Variants in MARCHF1 observed in about 807,000 individuals in gnomAD.
MARCHF1 encodes E3 ubiquitin-protein ligase MARCHF1.
A neutral mutation model predicts 54.2 loss-of-function variants in MARCHF1; 40 were observed. The observed-to-expected ratio is 0.74, with a 90% CI of 0.57 to 0.96. The LOEUF is 0.96. Ranked by LOEUF, MARCHF1 falls within the 40% of genes least tolerant of loss-of-function variation. MARCHF1 has a pLI of 0.00. For synonymous variants in MARCHF1, 236 were observed against 236.3 expected (o/e 1.00, Z 0.01); for missense variants, 586 against 656.5 (o/e 0.89, Z 1.17).
intron 1 of MARCHF1, among the ~76,000 whole-genome samples, chr4:164,125,428 T>A (rs1756159111): frequency 6.6e-6 from 1 of 152,174 alleles, no homozygotes; most frequent in Admixed American, 6.6e-5. Flanking sequence ...AGACACAATA[T>A]ACTTCATTGA....
intron 3 of MARCHF1, among the ~76,000 whole-genome samples, chr4:163,987,565 G>C (rs1752893528): frequency 6.6e-6 from 1 of 151,680 alleles, no homozygotes. Context: ...AGCTATTCTT[G>C]AGGGAAAAAA....
intron 1 of MARCHF1, among the ~76,000 whole-genome samples, chr4:164,295,684 A>T (rs564332398): frequency 6.6e-6 from 1 of 152,302 alleles, no homozygotes; most frequent in South Asian, 2.1e-4. Context: ...TTGCCTCTCA[A>T]TTCTGCCTAT....
intron 3 of MARCHF1, among the ~76,000 whole-genome samples, chr4:163,860,462 G>A (rs1463333414): frequency 6.6e-6 from 1 of 152,070 alleles, no homozygotes; most frequent in Non-Finnish European, 1.5e-5. Context: ...ATTCTCCAAG[G>A]GAAAATATCT....
chr4:163,587,415 C>T lies in MARCHF1; in HGVS notation c.1011-1486G>A, dbSNP rs62334069. ...GCATAAAGAAAATGTGGCACATTTA[C>T]GCCATGGAATACTATGCAGCCATAA... On this transcript the variant is annotated intron_variant, in intron 7 of 9. Coordinates refer to ENST00000514618, the MANE Select transcript of MARCHF1 (RefSeq NM_001394959.1). Among the ~76,000 whole-genome samples, 1,008 of 152,278 alleles carry T rather than the reference C, an allele frequency of 6.6e-3. 6 individuals carry two copies. The highest frequency in any genetic ancestry group is 0.031 in the South Asian group (150 of 4,824).
intron 5 of MARCHF1, among the ~76,000 whole-genome samples, chr4:163,620,837 T>C (rs1262919393): frequency 1.3e-5 from 2 of 152,178 alleles, no homozygotes; most frequent in African/African-American, 2.4e-5. Flanking sequence ...GTTGGGATCA[T>C]TGGAAACCTT....
At chr4:163,746,986 G>C (rs918857273) in intron 4 of MARCHF1, among the ~76,000 whole-genome samples, 1 of 152,146 alleles carries the variant, frequency 6.6e-6, no homozygotes, top group Non-Finnish European at 1.5e-5. Flanking sequence ...TTCAAAGCTG[G>C]GTGAACTTGA....
chr4:164,379,863 C>G (rs557653060), intron 1 of MARCHF1, among the ~76,000 whole-genome samples: 5 of 151,806 alleles, frequency 3.3e-5, no homozygotes, highest in South Asian at 2.1e-4. Flanking sequence ...GGCTGAGGGA[C>G]GAGAACCACT....
At chr4:164,104,111 T>A (rs1389364447) in intron 2 of MARCHF1, among the ~76,000 whole-genome samples, 2 of 149,992 alleles carry the variant, frequency 1.3e-5, no homozygotes, top group Admixed American at 1.3e-4. Context: ...GCTGAAATTG[T>A]GGCAATAATC....
rs113252348 is a variant in MARCHF1 at position 164,317,749 on chromosome 4, T to C, written c.-323+66121A>G. On this transcript the variant is annotated intron_variant, in intron 1 of 9. Transcript: ENST00000514618. Reference sequence around the variant, plus strand: ...GAATAGAATAGAGTAGAATAGCCTGTTGCGAGTGGGCAAGTTTTTTGTTGT... The same window carrying C: ...GAATAGAATAGAGTAGAATAGCCTGCTGCGAGTGGGCAAGTTTTTTGTTGT... 5.4e-3 allele frequency among the ~76,000 whole-genome samples: 821 copies of C among 152,292 alleles called. 4 individuals carry two copies. The highest frequency in any genetic ancestry group is 8.5e-3 in the Non-Finnish European group (581 of 68,008).
In MARCHF1 at chr4:163,526,931, C is replaced by CCAT. The variant is rs1395428510; in HGVS notation, c.*1814_*1816dup. On this transcript the variant is annotated 3_prime_UTR_variant, in exon 10 of 10. Transcript: ENST00000514618. ...GTGTCAGCCACTACTAATATTTATA[C>CCAT]CATCTTTCTCCTCATTTAAAGGTTT... 2.6e-5 allele frequency: 4 copies of CCAT among 151,760 alleles called. No homozygotes were observed. Among genetic ancestry groups the CCAT allele is most frequent in the Non-Finnish European group, 5.9e-5 (4 of 67,858 alleles). 9.4% of individuals were successfully genotyped at this position (151,760 alleles called of 1,614,324 possible). A position where few individuals can be genotyped will look rare whatever the true frequency, so the allele number is the denominator to read the frequency against.
At chr4:163,634,403 T>G (rs1277223908) in intron 5 of MARCHF1, among the ~76,000 whole-genome samples, 2 of 147,162 alleles carry the variant, frequency 1.4e-5, no homozygotes, top group African/African-American at 5.1e-5. Context: ...TGGAGGAAGA[T>G]CTACCAAGCA....
At chr4:163,585,990 T>C in intron 7 of MARCHF1, 61 bp from the exon 8 acceptor site, 1 of 1,458,796 alleles carries the variant, frequency 6.9e-7, no homozygotes, top group Non-Finnish European at 9.2e-7. Context: ...GCCTGTGTTA[T>C]TTCTGCCCTT....
At chr4:163,827,404 AAT>A (rs1748884415) in intron 4 of MARCHF1, among the ~76,000 whole-genome samples, 2 of 152,322 alleles carry the variant, frequency 1.3e-5, no homozygotes, top group East Asian at 3.9e-4. Flanking sequence ...ACATTATGAA[AAT>A]AAAATCTTAG....
At chr4:163,863,951 A>G (rs1049305482) in intron 3 of MARCHF1, among the ~76,000 whole-genome samples, 1 of 152,082 alleles carries the variant, frequency 6.6e-6, no homozygotes, top group African/African-American at 2.4e-5. Context: ...CAATTTGAGC[A>G]ACAAAATAAA....
At chr4:163,954,857 C>A (rs1752200811) in intron 3 of MARCHF1, among the ~76,000 whole-genome samples, 1 of 152,120 alleles carries the variant, frequency 6.6e-6, no homozygotes. Context: ...GCCCCTTGCA[C>A]CTTGTATAAA....
chr4:163,755,367 C>T (rs1027702490), intron 4 of MARCHF1, among the ~76,000 whole-genome samples: 2 of 152,132 alleles, frequency 1.3e-5, no homozygotes, highest in African/African-American at 4.8e-5. Context: ...CATCATGAGG[C>T]TGGTGATGGA....
intron 2 of MARCHF1, among the ~76,000 whole-genome samples, chr4:164,045,554 C>T (rs1389396820): frequency 1.4e-5 from 2 of 145,190 alleles, no homozygotes; most frequent in Non-Finnish European, 3.0e-5. Context: ...TAAATAAAAC[C>T]GTTTATTTAC....
At chr4:163,833,988 C>G (rs1749105757) in intron 4 of MARCHF1, among the ~76,000 whole-genome samples, 1 of 152,064 alleles carries the variant, frequency 6.6e-6, no homozygotes, top group Non-Finnish European at 1.5e-5. Context: ...ATTTTTCAGC[C>G]ATTCTGACAA....
chr4:164,310,113 C>T (rs1000902526), intron 1 of MARCHF1, among the ~76,000 whole-genome samples: 7 of 151,858 alleles, frequency 4.6e-5, no homozygotes, highest in African/African-American at 1.7e-4. Flanking sequence ...GAGTCTCGCT[C>T]TGTCGCCAGG....
Sources: allele counts gnomAD v4.1 joint callset (sites outside exome capture counted in the v4.1 genomes callset), GRCh38; gene constraint gnomAD v4.1.1; transcripts MANE v1.5; gene names NCBI Gene and HGNC (gene_info 2026-07-23, HGNC 2026-07-21).